SLIT2: variants seen among roughly 807,000 people sequenced by gnomAD.
SLIT2 encodes the protein slit homolog 2 protein.
Under a neutral mutation model 185.7 loss-of-function variants are expected in SLIT2, and 41 were observed. That is an observed-to-expected ratio of 0.22 (90% CI 0.17 to 0.29). SLIT2 has a LOEUF of 0.29. SLIT2 is among the 10% of genes least tolerant of loss of function. The pLI is 1.00. For synonymous variants in SLIT2, 693 were observed against 680.2 expected, an observed-to-expected ratio of 1.02 and a Z score of -0.29; for missense variants, 1,571 against 1,909.0, an observed-to-expected ratio of 0.82 and a Z score of 3.30.
chr4:20,374,631 C>A (rs900859323), intron 4 of SLIT2, among the ~76,000 whole-genome samples: 5 of 151,958 alleles, frequency 3.3e-5, no homozygotes, highest in Admixed American at 6.6e-5. Context: ...AATCTGTATT[C>A]TTTTTCCTCT....
At chr4:20,536,219 G>A (rs889386642) in intron 18 of SLIT2, among the ~76,000 whole-genome samples, 4 of 152,120 alleles carry the variant, frequency 2.6e-5, no homozygotes, top group African/African-American at 7.2e-5. Flanking sequence ...GTGAGTGAAC[G>A]TGAGGGCATA....
intron 4 of SLIT2, among the ~76,000 whole-genome samples, chr4:20,278,204 A>G (rs1000486639): frequency 5.9e-5 from 9 of 151,972 alleles, no homozygotes; most frequent in African/African-American, 1.7e-4. Flanking sequence ...TTATGTTCAC[A>G]CTGAAACAGA....
chr4:20,565,552 G>A (rs1019558835), intron 26 of SLIT2, among the ~76,000 whole-genome samples: 3 of 151,852 alleles, frequency 2.0e-5, no homozygotes, highest in Non-Finnish European at 4.4e-5. Context: ...AAATAAATTG[G>A]GGAGGGCGGA....
chr4:20,609,864 GA>G (rs1022449011), intron 33 of SLIT2, 148 bp from the exon 34 acceptor site: 16 of 618,068 alleles, frequency 2.6e-5, no homozygotes, highest in South Asian at 7.1e-5. Flanking sequence ...GCCTATTTTT[GA>G]AAAAAAATTC....
intron 29 of SLIT2, among the ~76,000 whole-genome samples, chr4:20,576,431 T>C (rs1261310177): frequency 2.0e-5 from 3 of 152,202 alleles, no homozygotes; most frequent in Non-Finnish European, 4.4e-5. Flanking sequence ...CATAAAGAAA[T>C]ACACAATGCT....
At chr4:20,521,914 C>T (rs1720876811) in intron 12 of SLIT2, among the ~76,000 whole-genome samples, 1 of 152,126 alleles carries the variant, frequency 6.6e-6, no homozygotes, top group Non-Finnish European at 1.5e-5. Context: ...ACCCAAACCA[C>T]ATTACACATA....
At chr4:20,272,596 T>C (rs1043674546) in intron 4 of SLIT2, among the ~76,000 whole-genome samples, 8 of 152,122 alleles carry the variant, frequency 5.3e-5, no homozygotes, top group Admixed American at 3.3e-4. Flanking sequence ...AGGAATTTCA[T>C]TGGTAGTACT....
intron 3 of SLIT2, among the ~76,000 whole-genome samples, chr4:20,260,323 A>G (rs769104320): frequency 6.6e-6 from 1 of 151,756 alleles, no homozygotes; most frequent in Non-Finnish European, 1.5e-5. Flanking sequence ...GTGTAAATTT[A>G]TATGGTTTTT....
intron 26 of SLIT2, among the ~76,000 whole-genome samples, chr4:20,557,645 C>T (rs2148900538): frequency 6.6e-6 from 1 of 152,172 alleles, no homozygotes; most frequent in South Asian, 2.1e-4. Flanking sequence ...ATCCATTCTG[C>T]AGCCCATGGA....
chr4:20,492,011 C>T, intron 9 of SLIT2, 112 bp downstream of exon 9: 1 of 951,948 alleles, frequency 1.1e-6, no homozygotes, highest in Non-Finnish European at 1.6e-6. Flanking sequence ...TTGGCTTAGA[C>T]AAATGTTCTC....
At position 20,616,896 on chromosome 4, in the gene SLIT2, G is replaced by C. The variant is rs747067128; in HGVS notation, c.3848-14G>C. ...CCCAGAGAGCCTGACCTCTGACCTG[G>C]TGTTCCTCCCCAGGCATGCCAGGGA... On this transcript the variant is annotated splice_polypyrimidine_tract_variant and intron_variant, in intron 34 of 36. Coordinates refer to ENST00000504154, the MANE Select transcript of SLIT2 (RefSeq NM_004787.4). The C allele has an allele frequency of 6.3e-7, 1 of 1,578,226 alleles. No individual in the cohort carries two copies. Among genetic ancestry groups the C allele is most frequent in the African/African-American group, 1.3e-5 (1 of 74,462 alleles).
At chr4:20,325,422 G>C (rs182396654) in intron 4 of SLIT2, among the ~76,000 whole-genome samples, 8,877 of 105,512 alleles carry the variant, frequency 0.084, 583 homozygotes, top group Middle Eastern at 0.13. Context: ...GGGTGGGGGT[G>C]GGGGGTGGGA....
In SLIT2 at chr4:20,281,576, C is replaced by T. The variant is rs568697388; in HGVS notation, c.395+12695C>T. ...CTCTGACTTGGTGTGGGTTTTCTTTCCCTCTGTTGAAGGGGAATGAATTCC... is the reference window on the plus strand; with the variant it reads ...CTCTGACTTGGTGTGGGTTTTCTTTTCCTCTGTTGAAGGGGAATGAATTCC... On this transcript the variant is annotated intron_variant, in intron 4 of 36. Coordinates refer to ENST00000504154, the MANE Select transcript of SLIT2 (RefSeq NM_004787.4). 8.3e-4 allele frequency among the ~76,000 whole-genome samples: 126 copies of T among 152,234 alleles called. 2 individuals carry two copies. Among genetic ancestry groups the T allele is most frequent in the African/African-American group, 2.9e-3 (122 of 41,536 alleles).
chr4:20,492,267 TAC>T (rs896526749), intron 9 of SLIT2, among the ~76,000 whole-genome samples: 11 of 152,162 alleles, frequency 7.2e-5, no homozygotes, highest in African/African-American at 1.9e-4. Flanking sequence ...ACAGAAACAA[TAC>T]AGTTAGGTGA....
chr4:20,352,716 AC>A (rs1429489225), intron 4 of SLIT2, among the ~76,000 whole-genome samples: 2 of 152,118 alleles, frequency 1.3e-5, no homozygotes, highest in Non-Finnish European at 2.9e-5. Flanking sequence ...GATTGAGATC[AC>A]CCTGGCTCAA....
chr4:20,464,692 A>T (rs570752501), intron 4 of SLIT2, among the ~76,000 whole-genome samples: 1 of 152,254 alleles, frequency 6.6e-6, no homozygotes, highest in Admixed American at 6.5e-5. Flanking sequence ...ACCACAAACT[A>T]CTGGCATAAA....
chr4:20,390,343 T>A (rs1725313516), intron 4 of SLIT2, among the ~76,000 whole-genome samples: 1 of 152,146 alleles, frequency 6.6e-6, no homozygotes, highest in South Asian at 2.1e-4. Flanking sequence ...CATCTTAAAA[T>A]ATAAATTACA....
chr4:20,518,673 C>T (rs188730441), intron 11 of SLIT2, among the ~76,000 whole-genome samples: 2,471 of 110,570 alleles, frequency 0.022, 68 homozygotes, highest in South Asian at 0.088. Context: ...GGCGCGATCT[C>T]GGCTCACTGC....
chr4:20,575,774 G>T (rs1577956142), intron 29 of SLIT2, among the ~76,000 whole-genome samples: 1 of 152,064 alleles, frequency 6.6e-6, no homozygotes, highest in East Asian at 1.9e-4. Flanking sequence ...TTCAAGTGCA[G>T]CCAAGCCGTC....
Sources: gnomAD v4.1 joint callset for allele counts (sites outside exome capture counted in the v4.1 genomes callset) on GRCh38, gnomAD v4.1.1 for gene constraint, MANE v1.5 for transcripts, NCBI Gene and HGNC (gene_info 2026-07-23, HGNC 2026-07-21) for gene names.